The following XKR6 variants were observed in gnomAD, a reference collection of about 807,000 sequenced individuals.
The protein encoded by XKR6 is XK related 6, also known as XK-related protein 6.
XKR6 carries 22 observed loss-of-function variants against 56.7 expected under a neutral mutation model. The observed-to-expected ratio is 0.39, with a 90% CI of 0.28 to 0.55. XKR6 has a LOEUF of 0.55. XKR6 is among the 20% of genes least tolerant of loss of function. The pLI, the probability that XKR6 is intolerant of heterozygous loss-of-function variation, is 0.66. For synonymous variants in XKR6, 524 were observed against 387.8 expected, an observed-to-expected ratio of 1.35 and a Z score of -4.13; for missense variants, 852 against 889.0, an observed-to-expected ratio of 0.96 and a Z score of 0.53.
chr8:11,039,628 G>A (rs1017243668), intron 1 of XKR6, among the ~76,000 whole-genome samples: 1 of 152,222 alleles, frequency 6.6e-6, no homozygotes, highest in East Asian at 1.9e-4. Flanking sequence ...TCTGGTGCGA[G>A]AGGGGAGAGC....
chr8:11,016,769 G>A (rs1232738092), intron 1 of XKR6, among the ~76,000 whole-genome samples: 1 of 152,164 alleles, frequency 6.6e-6, no homozygotes, highest in Non-Finnish European at 1.5e-5. Context: ...CCCGCTCTGA[G>A]CCGGCGCGTC....
chr8:11,028,302 A>T (rs940379014), intron 1 of XKR6, among the ~76,000 whole-genome samples: 1 of 152,130 alleles, frequency 6.6e-6, no homozygotes, highest in East Asian at 1.9e-4. Context: ...CTTTTTTAGC[A>T]CTGAATGATA....
intron 1 of XKR6, among the ~76,000 whole-genome samples, chr8:11,144,064 G>A (rs1197587034): frequency 1.3e-5 from 2 of 152,002 alleles, no homozygotes; most frequent in Non-Finnish European, 1.5e-5. Flanking sequence ...CCCCGTCAAT[G>A]ACCTCGTTTA....
chr8:11,010,632 C>A (rs1228961168), intron 1 of XKR6, among the ~76,000 whole-genome samples: 3 of 152,196 alleles, frequency 2.0e-5, no homozygotes, highest in Admixed American at 6.5e-5. Context: ...AACAACCAGT[C>A]AATATTCAAC....
intron 1 of XKR6, chr8:11,105,925 TAA>T (rs1445866937): frequency 2.6e-5 from 4 of 152,256 alleles, no homozygotes; most frequent in Admixed American, 6.5e-5. Context: ...TATCATGCTT[TAA>T]ACTGTTTCTC....
rs972581127 is a variant in XKR6 at position 10,897,594 on chromosome 8, T to C, written c.*358A>G. 5.7e-6 allele frequency: 1 copy of C among 176,918 alleles called. No homozygotes were observed. The highest frequency in any genetic ancestry group is 2.4e-5 in the African/African-American group (1 of 42,072). 11.0% of individuals were successfully genotyped at this position (176,918 alleles called of 1,614,324 possible). A position where few individuals can be genotyped will look rare whatever the true frequency, so the allele number is the denominator to read the frequency against. ...TACACTTGGTGTAAGGTAAAAAACT[T>C]TTTTTTTTTCTTTTGGAGTGGAGAT... On this transcript the variant is annotated 3_prime_UTR_variant, in exon 3 of 3. Transcript: ENST00000416569.
At chr8:11,122,154 ATCTTAAG>A (rs1043620911) in intron 1 of XKR6, among the ~76,000 whole-genome samples, 44 of 152,286 alleles carry the variant, frequency 2.9e-4, no homozygotes, top group African/African-American at 1.0e-3. Flanking sequence ...TCTTTCAGTG[ATCTTAAG>A]TCTCCAAGCC....
At chr8:11,052,420 C>T (rs994803950) in intron 1 of XKR6, among the ~76,000 whole-genome samples, 7 of 152,152 alleles carry the variant, frequency 4.6e-5, no homozygotes, top group Non-Finnish European at 5.9e-5. Context: ...AATGCAAACT[C>T]GAAGATAGGA....
At chr8:11,107,616 T>C (rs1035710514) in intron 1 of XKR6, among the ~76,000 whole-genome samples, 1 of 152,132 alleles carries the variant, frequency 6.6e-6, no homozygotes, top group Non-Finnish European at 1.5e-5. Flanking sequence ...AGCGGCACTC[T>C]CTCTGTAGAT....
At chr8:10,940,425 G>A (rs1006652487) in intron 1 of XKR6, among the ~76,000 whole-genome samples, 1 of 152,192 alleles carries the variant, frequency 6.6e-6, no homozygotes, top group African/African-American at 2.4e-5. Flanking sequence ...TGCCAAACCA[G>A]GAGGGCTGCA....
intron 1 of XKR6, among the ~76,000 whole-genome samples, chr8:11,199,177 T>A (rs1212557876): frequency 6.6e-6 from 1 of 152,208 alleles, no homozygotes; most frequent in African/African-American, 2.4e-5. Context: ...TGGTTCAGCC[T>A]AGAAAGGCTA....
intron 1 of XKR6, among the ~76,000 whole-genome samples, chr8:11,015,858 G>C (rs976525535): frequency 6.6e-6 from 1 of 152,204 alleles, no homozygotes. Context: ...AGGCTCGCCG[G>C]GGAAGTGCTG....
intron 1 of XKR6, among the ~76,000 whole-genome samples, chr8:11,048,905 G>A (rs571984661): frequency 1.3e-5 from 2 of 152,182 alleles, no homozygotes; most frequent in Non-Finnish European, 2.9e-5. Flanking sequence ...AGCCGGCCCC[G>A]CCTGTCTGTC....
chr8:11,182,260 G>A (rs1803028852), intron 1 of XKR6, among the ~76,000 whole-genome samples: 1 of 152,184 alleles, frequency 6.6e-6, no homozygotes, highest in Non-Finnish European at 1.5e-5. Flanking sequence ...GACGTCGTAG[G>A]ATGGGGAATT....
At chr8:11,157,319 G>C (rs1801570271) in intron 1 of XKR6, among the ~76,000 whole-genome samples, 1 of 152,014 alleles carries the variant, frequency 6.6e-6, no homozygotes, top group Admixed American at 6.5e-5. Context: ...TAAAGCCTGG[G>C]GTATAATACT....
intron 1 of XKR6, among the ~76,000 whole-genome samples, chr8:11,166,761 CG>C (rs939050931): frequency 2.0e-5 from 3 of 151,960 alleles, no homozygotes; most frequent in South Asian, 2.1e-4. Context: ...TTAGCAGAGA[CG>C]GGGTTTCACC....
At chr8:11,129,502 G>C (rs1799995273) in intron 1 of XKR6, among the ~76,000 whole-genome samples, 1 of 152,042 alleles carries the variant, frequency 6.6e-6, no homozygotes, top group South Asian at 2.1e-4. Flanking sequence ...ACTTCCACAG[G>C]AGGACCATTA....
At chr8:11,072,569 C>T (rs974379654) in intron 1 of XKR6, among the ~76,000 whole-genome samples, 3 of 152,166 alleles carry the variant, frequency 2.0e-5, no homozygotes, top group Non-Finnish European at 4.4e-5. Context: ...AAAGTCCACA[C>T]GTCTCATGTT....
At chr8:11,068,412 G>A (rs149336493) in intron 1 of XKR6, among the ~76,000 whole-genome samples, 4 of 152,196 alleles carry the variant, frequency 2.6e-5, no homozygotes, top group African/African-American at 9.7e-5. Context: ...AATGCCATTA[G>A]TGTCCTGACA....
Sources: gnomAD v4.1 joint callset for allele counts (sites outside exome capture counted in the v4.1 genomes callset) on GRCh38, gnomAD v4.1.1 for gene constraint, MANE v1.5 for transcripts, NCBI Gene and HGNC (gene_info 2026-07-23, HGNC 2026-07-21) for gene names.